The following DERL2 variants were observed in gnomAD, a reference collection of about 807,000 sequenced individuals.
DERL2 encodes the protein derlin-2.
A neutral mutation model predicts 32.0 loss-of-function variants in DERL2; 13 were observed. The ratio of observed to expected loss-of-function variants is 0.41; its 90% CI spans 0.26 to 0.65. DERL2 has a LOEUF of 0.65. Among genes scored for constraint, DERL2 ranks in the 30% least tolerant of loss-of-function variants. The probability of loss-of-function intolerance (pLI) is 0.35; values close to 1 mark genes in which losing one functional copy is unlikely to be tolerated. For synonymous variants in DERL2, 111 were observed against 104.7 expected, an observed-to-expected ratio of 1.06 and a Z score of -0.37; for missense variants, 208 against 296.3, an observed-to-expected ratio of 0.70 and a Z score of 2.19.
intron 2 of DERL2, among the ~76,000 whole-genome samples, chr17:5,484,063 G>A (rs1301537788): frequency 6.6e-6 from 1 of 152,222 alleles, no homozygotes; most frequent in Admixed American, 6.5e-5. Context: ...AGGAGGATGA[G>A]TACATAAAGG....
chr17:5,484,376 A>G (rs955206380), intron 2 of DERL2, among the ~76,000 whole-genome samples: 5 of 152,234 alleles, frequency 3.3e-5, no homozygotes, highest in Non-Finnish European at 5.9e-5. Flanking sequence ...CCTCGCCAGT[A>G]GCTAGGATTA....
At position 5,474,912 on chromosome 17, in the gene DERL2, T is replaced by C. The variant is rs1004692051; in HGVS notation, c.615-123A>G. The C allele has an allele frequency of 4.8e-5, 26 of 536,402 alleles. No homozygotes were observed. The highest frequency in any genetic ancestry group is 7.5e-5 in the Non-Finnish European group (23 of 305,820). The allele number at this position is 536,402 out of a possible 1,614,324, so 33.2% of individuals were successfully genotyped here. A position where few individuals can be genotyped will look rare whatever the true frequency, so the allele number is the denominator to read the frequency against. On this transcript the variant is annotated intron_variant, in intron 6 of 6. Transcript: ENST00000158771. This position sits in a 1 kb window ranked among gnomAD's most constrained non-coding sequence, Gnocchi z 4.3. ...GTAAGCATTACACCTGCCTGCCAAT[T>C]AAACAGTTAACATATTGTAAGAGCA...
chr17:5,486,468 T>G (rs1419592247), upstream of DERL2: 11 of 251,632 alleles, frequency 4.4e-5, no homozygotes, highest in Non-Finnish European at 7.7e-5. Flanking sequence ...CAGCTAACTT[T>G]CCCGCCCGGC....
Position 5,472,108 on chromosome 17 carries a change from G to A in DERL2, c.*2576C>T, listed in dbSNP as rs2151697024. On this transcript the variant is annotated 3_prime_UTR_variant, in exon 7 of 7. Coordinates refer to ENST00000158771, the MANE Select transcript of DERL2 (RefSeq NM_016041.5). Reference sequence around the variant, plus strand: ...ATGTATATAAAATGTATCTCCTAAGGAGATGCAATTTGTATGTCCATTTAT... The same window carrying A: ...ATGTATATAAAATGTATCTCCTAAGAAGATGCAATTTGTATGTCCATTTAT... 1 of 152,338 alleles carries A rather than the reference G, an allele frequency of 6.6e-6. No individual in the cohort carries two copies. The highest frequency in any genetic ancestry group is 2.4e-5 in the African/African-American group (1 of 41,572). 9.4% of individuals were successfully genotyped at this position (152,338 alleles called of 1,614,324 possible).
intron 4 of DERL2, chr17:5,480,935 G>A: frequency 2.0e-6 from 1 of 501,868 alleles, no homozygotes. Context: ...AAACCATCTT[G>A]TCAGACCGTA....
At position 5,471,550 on chromosome 17, in the gene DERL2, G is replaced by A; in HGVS notation, c.*3134C>T. On this transcript the variant is annotated 3_prime_UTR_variant, in exon 7 of 7. Coordinates refer to ENST00000158771, the MANE Select transcript of DERL2 (RefSeq NM_016041.5). ...ATCAGGAACAAGGCCAGGCCTTGAA[G>A]AACTGAAGAGACTTAAGTTGAGGTC... 1.3e-5 allele frequency: 2 copies of A among 152,346 alleles called. 1 individual carries two copies. The highest frequency in any genetic ancestry group is 3.9e-4 in the East Asian group (2 of 5,192). 9.4% of individuals were successfully genotyped at this position (152,346 alleles called of 1,614,324 possible).
intron 2 of DERL2, among the ~76,000 whole-genome samples, chr17:5,484,395 T>C (rs1906007585): frequency 6.6e-6 from 1 of 152,372 alleles, no homozygotes; most frequent in African/African-American, 2.4e-5. Context: ...TACAGGCATG[T>C]GCCATCACGC....
chr17:5,477,693 A>C (rs1187740515), intron 6 of DERL2, among the ~76,000 whole-genome samples: 2 of 152,228 alleles, frequency 1.3e-5, no homozygotes, highest in East Asian at 3.8e-4. Flanking sequence ...TAAGTTTGTT[A>C]ATTTTCATAA....
Position 5,486,050 on chromosome 17 carries a change from T to C in DERL2, c.93+19A>G, listed in dbSNP as rs764060739. ...ATATCCAGCCCAGATAATGAGAAGG[T>C]GGCACTGCAGCTGCTCACCACGGCG... On this transcript the variant is annotated intron_variant, in intron 1 of 6. Coordinates refer to ENST00000158771, the MANE Select transcript of DERL2 (RefSeq NM_016041.5). 6.2e-7 allele frequency: 1 copy of C among 1,602,198 alleles called. No homozygotes were observed. Among genetic ancestry groups the C allele is most frequent in the Admixed American group, 1.7e-5 (1 of 59,322 alleles).
rs1905671948 is a variant in DERL2, at chr17:5,480,082, T to C, written c.586A>G (p.Ile196Val). ...EDVFPNQPGG[I>V]RILKTPSILK... ...ATAGATGGTGTTTTCAGAATTCTTA[T>C]TCCACCAGGTTGATTGGGAAATACA... is the stretch of plus-strand genomic sequence containing the variant. Residue 196 changes from isoleucine (I) to valine (V), a missense_variant, in exon 6 of 7, where the codon ATA becomes GTA. Around this residue, in one of 3 missense-constraint regions of DERL2, gnomAD observed 124 missense variants for 215.3 expected, o/e 0.58. Coordinates refer to ENST00000158771, the MANE Select transcript of DERL2 (RefSeq NM_016041.5). The C allele has an allele frequency of 6.2e-7, 1 of 1,608,968 alleles. No individual in the cohort carries two copies. Among genetic ancestry groups the C allele is most frequent in the Non-Finnish European group, 8.5e-7 (1 of 1,175,950 alleles).
rs1463695652 is a variant in DERL2, at chr17:5,471,258, C to G, written c.*3426G>C. ...ATTAAAAATACCAGATAATACTTTG[C>G]TGATCAATAAACAAAGGTATTTATT... On this transcript the variant is annotated 3_prime_UTR_variant, in exon 7 of 7. Transcript: ENST00000158771. 1.3e-5 allele frequency: 2 copies of G among 152,226 alleles called. No individual in the cohort carries two copies. Among genetic ancestry groups the G allele is most frequent in the African/African-American group, 4.8e-5 (2 of 41,456 alleles). 9.4% of individuals were successfully genotyped at this position (152,226 alleles called of 1,614,324 possible). A position where few individuals can be genotyped will look rare whatever the true frequency, so the allele number is the denominator to read the frequency against.
rs1905183408 is a variant in DERL2 at position 5,472,845 on chromosome 17, T to C, written c.*1839A>G. 6.6e-6 allele frequency: 1 copy of C among 151,838 alleles called. No individual in the cohort carries two copies. The highest frequency in any genetic ancestry group is 2.4e-5 in the African/African-American group (1 of 41,354). 9.4% of individuals were successfully genotyped at this position (151,838 alleles called of 1,614,324 possible). A position where few individuals can be genotyped will look rare whatever the true frequency, so the allele number is the denominator to read the frequency against. ...AAAGCGTTCTTGAGCAAAAACAAGA[T>C]AGGATAAAACTTAAGAATCCCATAA... On this transcript the variant is annotated 3_prime_UTR_variant, in exon 7 of 7. Transcript: ENST00000158771.
At position 5,473,490 on chromosome 17, in the gene DERL2, G is replaced by C. The variant is rs1012246273; in HGVS notation, c.*1194C>G. 1 of 152,000 alleles carries C rather than the reference G, an allele frequency of 6.6e-6. No individual in the cohort carries two copies. Among genetic ancestry groups the C allele is most frequent in the Admixed American group, 6.6e-5 (1 of 15,254 alleles). The allele number at this position is 152,000 out of a possible 1,614,324, so 9.4% of individuals were successfully genotyped here. ...CGAAGCAAATGACTAATGTTAACTA[G>C]CCAAAGACCCTGGAAGAACATATGC... On this transcript the variant is annotated 3_prime_UTR_variant, in exon 7 of 7. Coordinates refer to ENST00000158771, the MANE Select transcript of DERL2 (RefSeq NM_016041.5).
chr17:5,483,506 T>C (rs1291456626), intron 2 of DERL2, among the ~76,000 whole-genome samples: 1 of 152,116 alleles, frequency 6.6e-6, no homozygotes, highest in Non-Finnish European at 1.5e-5. Context: ...TTGGAAACCC[T>C]GATAGACCCT....
chr17:5,482,782 A>T, intron 3 of DERL2, 27 bp downstream of exon 3: 1 of 1,290,462 alleles, frequency 7.7e-7, no homozygotes, highest in East Asian at 2.3e-5. Flanking sequence ...AAAAGTTTTG[A>T]TGCTGACCCC....
chr17:5,475,638 A>ACT (rs1905336920), intron 6 of DERL2, among the ~76,000 whole-genome samples: 1 of 152,000 alleles, frequency 6.6e-6, no homozygotes, highest in Non-Finnish European at 1.5e-5. Flanking sequence ...CCCAGCTACT[A>ACT]CTCAGGCGGC....
At chr17:5,485,340 T>C in intron 1 of DERL2, 124 bp from the exon 2 acceptor site, 2 of 620,274 alleles carry the variant, frequency 3.2e-6, no homozygotes, top group Non-Finnish European at 5.5e-6. Context: ...CCTTTAAGCC[T>C]TTCTTCTTAG....
chr17:5,486,276 T>G, upstream of DERL2: 1 of 794,202 alleles, frequency 1.3e-6, no homozygotes, highest in Non-Finnish European at 1.9e-6. Flanking sequence ...TTCCCGCGAC[T>G]GCCCAATCAA....
In DERL2 at chr17:5,481,389, T is replaced by C. The variant is rs374430695; in HGVS notation, c.234A>G (p.Leu78=). ...CTTCTAGCATTCGACAGTAACGATA[T>C]CTTAAGTTCCAAGTTAAGAAAATAT... ...GFNFLFNMIF[L]YRYCRMLEEG... The change falls in exon 4 of 7, where the codon CTA becomes CTG. Residue 78 remains leucine (L), a splice_region_variant and synonymous_variant. Transcript: ENST00000158771. This position sits in a 1 kb window ranked among gnomAD's most constrained non-coding sequence, Gnocchi z 4.4. 5.7e-5 allele frequency: 92 copies of C among 1,610,778 alleles called. No homozygotes were observed. Among genetic ancestry groups the C allele is most frequent in the Non-Finnish European group, 7.4e-5 (87 of 1,177,286 alleles).
Sources: allele counts gnomAD v4.1 joint callset (sites outside exome capture counted in the v4.1 genomes callset), GRCh38; gene constraint gnomAD v4.1.1; regional missense constraint gnomAD v4.1.1; non-coding constraint Gnocchi (gnomAD v3.1); transcripts MANE v1.5; gene names NCBI Gene and HGNC (gene_info 2026-07-23, HGNC 2026-07-21).